The following EML6 variants were observed in gnomAD, a reference collection of about 807,000 sequenced individuals.
The protein encoded by EML6 is echinoderm microtubule-associated protein-like 6.
In EML6, 154 loss-of-function variants were observed where a neutral mutation model predicts 240.1. That is an observed-to-expected ratio of 0.64 (90% CI 0.56 to 0.73). The LOEUF is 0.73. Ranked by LOEUF, EML6 falls within the 30% of genes least tolerant of loss-of-function variation. The probability of loss-of-function intolerance (pLI) is 0.00; values close to 1 mark genes in which losing one functional copy is unlikely to be tolerated. For synonymous variants in EML6, 1,148 were observed against 899.0 expected (o/e 1.28, Z -4.95); for missense variants, 2,964 against 2,474.6 (o/e 1.20, Z -4.20).
chr2:54,904,243 C>G (rs185381936), intron 24 of EML6, among the ~76,000 whole-genome samples: 3 of 152,240 alleles, frequency 2.0e-5, no homozygotes, highest in South Asian at 2.1e-4. Context: ...TGAGCAGGGA[C>G]TCCGAATGGG....
At chr2:54,920,231 A>T (rs937755038) in intron 26 of EML6, among the ~76,000 whole-genome samples, 4 of 152,128 alleles carry the variant, frequency 2.6e-5, no homozygotes, top group Non-Finnish European at 5.9e-5. Context: ...GACCAATGAA[A>T]CTAAGAGTTG....
At chr2:54,850,532 G>C (rs1186193633) in intron 10 of EML6, among the ~76,000 whole-genome samples, 1 of 151,396 alleles carries the variant, frequency 6.6e-6, no homozygotes, top group Non-Finnish European at 1.5e-5. Context: ...ATGGACAAAA[G>C]ATATATATCT....
At chr2:54,883,696 A>C (rs1303161905) in intron 17 of EML6, among the ~76,000 whole-genome samples, 1 of 152,168 alleles carries the variant, frequency 6.6e-6, no homozygotes, top group East Asian at 1.9e-4. Flanking sequence ...AACTCTTTGT[A>C]TTTTGTTTTG....
intron 38 of EML6, chr2:54,966,644 C>G (rs936259729): frequency 1.8e-5 from 3 of 164,098 alleles, no homozygotes; most frequent in Non-Finnish European, 4.0e-5. Context: ...GCAGAGACTG[C>G]TGGGCCCCAC....
At chr2:54,960,452 A>C in intron 35 of EML6, 118 bp downstream of exon 35, 1 of 717,828 alleles carries the variant, frequency 1.4e-6, no homozygotes, top group Admixed American at 2.2e-5. Context: ...GCCTCAATAC[A>C]TGAATTGTGC....
At chr2:54,807,461 C>T (rs1246877145) in intron 2 of EML6, among the ~76,000 whole-genome samples, 2 of 152,194 alleles carry the variant, frequency 1.3e-5, no homozygotes, top group African/African-American at 4.8e-5. Context: ...TTTATCCTAT[C>T]TCTTAAGTCT....
chr2:54,926,469 C>T (rs1019375126), intron 26 of EML6, among the ~76,000 whole-genome samples: 5 of 152,214 alleles, frequency 3.3e-5, no homozygotes, highest in Non-Finnish European at 7.3e-5. Flanking sequence ...TGTGGTGAAG[C>T]AGCAAGTTCT....
chr2:54,844,773 C>G (rs1020642082), intron 8 of EML6, among the ~76,000 whole-genome samples: 1 of 152,170 alleles, frequency 6.6e-6, no homozygotes, highest in African/African-American at 2.4e-5. Flanking sequence ...GTAGTTTACT[C>G]GGAGCCTCCA....
chr2:54,922,285 C>A (rs954785000), intron 26 of EML6, among the ~76,000 whole-genome samples: 1 of 151,996 alleles, frequency 6.6e-6, no homozygotes, highest in Non-Finnish European at 1.5e-5. Context: ...ATAGAAATGG[C>A]CAACAGGTAT....
At chr2:54,797,404 G>A (rs1659235) in intron 2 of EML6, among the ~76,000 whole-genome samples, 1 of 151,962 alleles carries the variant, frequency 6.6e-6, no homozygotes, top group Admixed American at 6.6e-5. Flanking sequence ...CTAGTAATAC[G>A]AATCCTGTCT....
Position 54,971,714 on chromosome 2 carries a change from C to T in EML6, c.*1619C>T, listed in dbSNP as rs536447671. ...TGTGACTGGTGATGCAGAGTGATAA[C>T]CATGTCTGCCTATCTTGTACTAGAC... is the stretch of plus-strand genomic sequence containing the variant. On this transcript the variant is annotated 3_prime_UTR_variant, in exon 42 of 42. Coordinates refer to ENST00000356458, the MANE Select transcript of EML6 (RefSeq NM_001039753.4). 3.8e-4 allele frequency: 58 copies of T among 152,244 alleles called. No individual in the cohort carries two copies. The highest frequency in any genetic ancestry group is 1.2e-3 in the African/African-American group (51 of 41,530). The allele number at this position is 152,244 out of a possible 1,614,324, so 9.4% of individuals were successfully genotyped here.
chr2:54,789,544 A>T (rs866628234), intron 2 of EML6, among the ~76,000 whole-genome samples: 2 of 142,504 alleles, frequency 1.4e-5, no homozygotes, highest in Admixed American at 7.0e-5. Context: ...AAAAAAAAAA[A>T]AAAAGAAAAA....
At chr2:54,801,288 C>CTGGG (rs1301642933) in intron 2 of EML6, among the ~76,000 whole-genome samples, 1 of 149,148 alleles carries the variant, frequency 6.7e-6, no homozygotes, top group Non-Finnish European at 1.5e-5. Context: ...GCATTCCAGC[C>CTGGG]TGGGCTACAG....
intron 32 of EML6, among the ~76,000 whole-genome samples, chr2:54,956,591 C>T (rs775458679): frequency 2.3e-4 from 35 of 151,862 alleles, no homozygotes; most frequent in Non-Finnish European, 3.8e-4. Flanking sequence ...TCAGAGATTC[C>T]ATATGCAGAG....
At chr2:54,831,106 C>G (rs962855069) in intron 7 of EML6, among the ~76,000 whole-genome samples, 1 of 152,102 alleles carries the variant, frequency 6.6e-6, no homozygotes, top group South Asian at 2.1e-4. Flanking sequence ...ATGTTTGGTC[C>G]TGAACCATGA....
At chr2:54,880,533 G>A (rs1558643838) in intron 17 of EML6, 1 of 152,342 alleles carries the variant, frequency 6.6e-6, no homozygotes, top group East Asian at 1.9e-4. Context: ...GAGACCTGGA[G>A]GAGCAGCAGA....
chr2:54,732,266 G>A (rs1257641080), intron 2 of EML6, among the ~76,000 whole-genome samples: 1 of 151,600 alleles, frequency 6.6e-6, no homozygotes, highest in Non-Finnish European at 1.5e-5. Flanking sequence ...CACTGTCTTG[G>A]TGGTACCCTT....
intron 2 of EML6, among the ~76,000 whole-genome samples, chr2:54,804,718 C>G (rs575556091): frequency 6.6e-6 from 1 of 152,256 alleles, no homozygotes; most frequent in South Asian, 2.1e-4. Flanking sequence ...TAAATTTGCC[C>G]CTGCTCTAGT....
intron 26 of EML6, among the ~76,000 whole-genome samples, chr2:54,923,375 A>ACG (rs2104361264): frequency 6.7e-6 from 1 of 149,062 alleles, no homozygotes; most frequent in South Asian, 2.1e-4. Context: ...ACGCACACAC[A>ACG]CACACACACA....
Sources: gnomAD v4.1 joint callset for allele counts (sites outside exome capture counted in the v4.1 genomes callset) on GRCh38, gnomAD v4.1.1 for gene constraint, MANE v1.5 for transcripts, NCBI Gene and HGNC (gene_info 2026-07-23, HGNC 2026-07-21) for gene names.